Variants in PSD3 observed in about 807,000 individuals in gnomAD.
PSD3 encodes the protein pleckstrin and Sec7 domain containing 3.
PSD3 carries 49 observed loss-of-function variants against 105.5 expected under a neutral mutation model. That is an observed-to-expected ratio of 0.46 (90% CI 0.37 to 0.59). PSD3 has a LOEUF of 0.59. Among genes scored for constraint, PSD3 ranks in the 20% least tolerant of loss-of-function variants. The pLI is 0.00. For missense variants in PSD3, 1,561 were observed against 1,263.8 expected (o/e 1.24, Z -3.57); for synonymous variants, 557 against 457.8 (o/e 1.22, Z -2.77).
At chr8:18,844,701 G>T (rs551388532) in intron 4 of PSD3, among the ~76,000 whole-genome samples, 1 of 152,278 alleles carries the variant, frequency 6.6e-6, no homozygotes, top group African/African-American at 2.4e-5. Flanking sequence ...GGAAAAATAA[G>T]ATTATTAGAA....
At chr8:18,668,670 G>A (rs78475957) in intron 9 of PSD3, among the ~76,000 whole-genome samples, 15,427 of 152,138 alleles carry the variant, frequency 0.1, 1,262 homozygotes, top group African/African-American at 0.2. Context: ...TTGTCACCAT[G>A]TAAGTATATT....
At chr8:19,058,190 T>G (rs756130538) in intron 1 of PSD3, among the ~76,000 whole-genome samples, 25 of 152,224 alleles carry the variant, frequency 1.6e-4, no homozygotes, top group Middle Eastern at 3.4e-3. Context: ...CAAGTCTCAG[T>G]GGGTTACGTA....
chr8:18,653,871 G>A (rs186465118), intron 10 of PSD3, among the ~76,000 whole-genome samples: 21 of 151,916 alleles, frequency 1.4e-4, no homozygotes, highest in African/African-American at 4.8e-4. Flanking sequence ...CTTGCCCAGA[G>A]TGAATATGAT....
intron 1 of PSD3, among the ~76,000 whole-genome samples, chr8:19,006,627 C>T (rs1199986325): frequency 6.6e-6 from 1 of 152,092 alleles, no homozygotes; most frequent in African/African-American, 2.4e-5. Flanking sequence ...CTTGTCACTA[C>T]AGAGTATTTG....
intron 2 of PSD3, among the ~76,000 whole-genome samples, chr8:18,874,716 A>AAAAAAAC (rs1817619848): frequency 1.3e-5 from 2 of 151,162 alleles, no homozygotes; most frequent in African/African-American, 4.9e-5. Flanking sequence ...AAAAAAAAAA[A>AAAAAAAC]AAAAAAAAAT....
intron 2 of PSD3, among the ~76,000 whole-genome samples, chr8:18,907,987 G>T (rs760059661): frequency 1.3e-5 from 2 of 152,186 alleles, no homozygotes; most frequent in Non-Finnish European, 2.9e-5. Flanking sequence ...AGTATGCAAC[G>T]TGAAATGGTT....
intron 10 of PSD3, among the ~76,000 whole-genome samples, chr8:18,649,262 G>A (rs549211195): frequency 6.6e-6 from 1 of 152,292 alleles, no homozygotes; most frequent in East Asian, 1.9e-4. Flanking sequence ...AAGCCACAGG[G>A]GCAGAGCTGC....
At chr8:18,603,108 AGT>A in intron 11 of PSD3, among the ~76,000 whole-genome samples, 1 of 152,316 alleles carries the variant, frequency 6.6e-6, no homozygotes, top group East Asian at 1.9e-4. Context: ...TCCGTGAGAA[AGT>A]GTTTACTGAG....
intron 4 of PSD3, among the ~76,000 whole-genome samples, chr8:18,838,533 G>A (rs1423396607): frequency 6.6e-6 from 1 of 152,026 alleles, no homozygotes; most frequent in Non-Finnish European, 1.5e-5. Flanking sequence ...TGAGCGTGGT[G>A]GCTCATGCCT....
At chr8:18,760,016 G>A (rs888070555) in intron 9 of PSD3, among the ~76,000 whole-genome samples, 1 of 151,166 alleles carries the variant, frequency 6.6e-6, no homozygotes, top group Non-Finnish European at 1.5e-5. Flanking sequence ...ACAAGAACAA[G>A]GGTTTCCTAA....
intron 12 of PSD3, among the ~76,000 whole-genome samples, chr8:18,595,860 CTAAT>C (rs1242343529): frequency 1.3e-5 from 2 of 151,992 alleles, no homozygotes; most frequent in East Asian, 3.9e-4. Flanking sequence ...AGACAGAAGA[CTAAT>C]AAAGAAACAG....
At chr8:18,964,478 A>G (rs1213143926) in intron 1 of PSD3, among the ~76,000 whole-genome samples, 1 of 151,992 alleles carries the variant, frequency 6.6e-6, no homozygotes, top group African/African-American at 2.4e-5. Context: ...TTTTTGCACA[A>G]AACTAATGCT....
chr8:18,660,141 A>G (rs958816012), intron 9 of PSD3, among the ~76,000 whole-genome samples: 3 of 152,194 alleles, frequency 2.0e-5, no homozygotes, highest in Non-Finnish European at 4.4e-5. Flanking sequence ...GAGATGGGGA[A>G]CGTACGTGGG....
Position 18,533,609 on chromosome 8 carries a change from G to A in PSD3, c.*2134C>T, listed in dbSNP as rs1271973362. 6.6e-6 allele frequency: 1 copy of A among 152,084 alleles called. No homozygotes were observed. The highest frequency in any genetic ancestry group is 1.9e-4 in the East Asian group (1 of 5,198). The allele number at this position is 152,084 out of a possible 1,614,324, so 9.4% of individuals were successfully genotyped here. A position where few individuals can be genotyped will look rare whatever the true frequency, so the allele number is the denominator to read the frequency against. On this transcript the variant is annotated 3_prime_UTR_variant, in exon 16 of 16. Coordinates refer to ENST00000327040, the MANE Select transcript of PSD3 (RefSeq NM_015310.4). ...TCTATATACATAGATATAGACTGTG[G>A]GCAAACACATTCAAGCCACTCAGGG...
chr8:19,036,268 G>C (rs1053956280), intron 1 of PSD3, among the ~76,000 whole-genome samples: 7 of 152,032 alleles, frequency 4.6e-5, no homozygotes, highest in African/African-American at 1.7e-4. Context: ...CTTCCCCAGT[G>C]GCCCCCAATG....
chr8:18,679,649 T>A (rs1409161156), intron 9 of PSD3, among the ~76,000 whole-genome samples: 1 of 152,082 alleles, frequency 6.6e-6, no homozygotes, highest in Non-Finnish European at 1.5e-5. Flanking sequence ...TAGGGATGAG[T>A]CTTGGGGAGG....
chr8:18,651,385 G>C (rs895695391), intron 10 of PSD3, among the ~76,000 whole-genome samples: 6 of 152,236 alleles, frequency 3.9e-5, no homozygotes, highest in African/African-American at 7.2e-5. Flanking sequence ...TCCTGCGCAA[G>C]TCTTCCATGC....
intron 9 of PSD3, among the ~76,000 whole-genome samples, chr8:18,668,020 G>A (rs929781579): frequency 1.3e-5 from 2 of 152,228 alleles, no homozygotes; most frequent in African/African-American, 4.8e-5. Context: ...AATCGCGCTG[G>A]CCCGCAAGCT....
At chr8:18,708,777 G>A (rs1016714643) in intron 9 of PSD3, among the ~76,000 whole-genome samples, 2 of 151,834 alleles carry the variant, frequency 1.3e-5, no homozygotes, top group Non-Finnish European at 2.9e-5. Flanking sequence ...CTTCAGCTGA[G>A]GGATCCGGAT....
Sources: gnomAD v4.1 joint callset for allele counts (sites outside exome capture counted in the v4.1 genomes callset) on GRCh38, gnomAD v4.1.1 for gene constraint, MANE v1.5 for transcripts, NCBI Gene and HGNC (gene_info 2026-07-23, HGNC 2026-07-21) for gene names.